The following ZNF267 variants were observed in gnomAD, a reference collection of about 807,000 sequenced individuals.
The protein encoded by ZNF267 is zinc finger protein 267.
Under a neutral mutation model 71.6 loss-of-function variants are expected in ZNF267, and 61 were observed. The ratio of observed to expected loss-of-function variants is 0.85; its 90% CI spans 0.69 to 1.05. The LOEUF is 1.05. ZNF267 is among the 50% of genes least tolerant of loss of function. The pLI is 0.00. For synonymous variants in ZNF267, 288 were observed against 293.2 expected (o/e 0.98, Z 0.18); for missense variants, 852 against 870.0 (o/e 0.98, Z 0.26).
intron 3 of ZNF267, among the ~76,000 whole-genome samples, chr16:31,907,136 C>T (rs1023350457): frequency 1.6e-4 from 25 of 152,016 alleles, no homozygotes; most frequent in Admixed American, 2.0e-4. Flanking sequence ...TCAAGATTCT[C>T]TTTGTCACTT....
chr16:31,898,011 T>C (rs2084012454), intron 3 of ZNF267, among the ~76,000 whole-genome samples: 1 of 152,182 alleles, frequency 6.6e-6, no homozygotes, highest in Non-Finnish European at 1.5e-5. Flanking sequence ...TCTGTTTCCT[T>C]ATTGATCTTC....
At chr16:31,883,388 G>A (rs1019224652) in intron 1 of ZNF267, among the ~76,000 whole-genome samples, 1 of 152,034 alleles carries the variant, frequency 6.6e-6, no homozygotes, top group Admixed American at 6.5e-5. Context: ...CTTACTTTTA[G>A]TGTGTATATA....
rs541312659 is a variant in ZNF267, at chr16:31,915,745, A to G, written c.1496A>G (p.Lys499Arg). Reference sequence around the variant, plus strand: ...CCTTATAAATGTAAAGAATGTGGCAAAGTCTTTAGCCGTAGTTCTTGCCTT... The same window carrying G: ...CCTTATAAATGTAAAGAATGTGGCAGAGTCTTTAGCCGTAGTTCTTGCCTT... ...EKPYKCKECG[K>R]VFSRSSCLTQ... Residue 499 changes from lysine to arginine, a missense_variant, in exon 4 of 4, where the codon AAA (lysine) becomes AGA (arginine). Lys to Arg is a conservative substitution (Grantham distance 26). Coordinates refer to ENST00000300870, the MANE Select transcript of ZNF267 (RefSeq NM_003414.6). 5 of 1,613,336 alleles carry G rather than the reference A, an allele frequency of 3.1e-6. No individual in the cohort carries two copies. The South Asian group carries it at 4.4e-5, about 14-fold the overall frequency.
At chr16:31,901,243 T>A (rs1263803493) in intron 3 of ZNF267, among the ~76,000 whole-genome samples, 5 of 152,048 alleles carry the variant, frequency 3.3e-5, no homozygotes, top group African/African-American at 1.2e-4. Flanking sequence ...CTATTGTGAA[T>A]ACTGCCACAA....
chr16:31,880,466 A>T (rs527352282), intron 1 of ZNF267, among the ~76,000 whole-genome samples: 3 of 152,302 alleles, frequency 2.0e-5, no homozygotes, highest in East Asian at 3.9e-4. Flanking sequence ...AGGTAATAAC[A>T]TATCTGGATC....
chr16:31,886,823 C>T (rs2083927544), intron 3 of ZNF267, among the ~76,000 whole-genome samples: 1 of 152,110 alleles, frequency 6.6e-6, no homozygotes, highest in Non-Finnish European at 1.5e-5. Flanking sequence ...TGGCTATGAA[C>T]ATAGGGGTAC....
chr16:31,877,109 A>G (rs1223504351), intron 1 of ZNF267, among the ~76,000 whole-genome samples: 1 of 151,812 alleles, frequency 6.6e-6, no homozygotes, highest in Admixed American at 6.6e-5. Context: ...ATAGTCGCCT[A>G]CTCATTAATC....
intron 1 of ZNF267, among the ~76,000 whole-genome samples, chr16:31,876,905 C>T (rs1394277504): frequency 1.3e-5 from 2 of 152,152 alleles, no homozygotes; most frequent in South Asian, 2.1e-4. Flanking sequence ...CCTGCTCACC[C>T]CATCCATGGA....
rs370894185 is a variant in ZNF267 at position 31,888,923 on chromosome 16, G to A, written c.226+3667G>A. Among the ~76,000 whole-genome samples the A allele has an allele frequency of 8.5e-5, 13 of 152,090 alleles. No homozygotes were observed. The East Asian group carries it at 2.3e-3, about 27-fold the overall frequency. ...ATGCTTGATACAGTTTACCCATGAA[G>A]TCATTTGGTCATGGGATTTTTTTTA... On this transcript the variant is annotated intron_variant, in intron 3 of 3. Coordinates refer to ENST00000300870, the MANE Select transcript of ZNF267 (RefSeq NM_003414.6).
intron 1 of ZNF267, 121 bp downstream of exon 1, chr16:31,874,090 C>T (rs1039964096): frequency 8.7e-7 from 1 of 1,151,060 alleles, no homozygotes; most frequent in African/African-American, 1.5e-5. Flanking sequence ...GGCCCCGAGT[C>T]CCAACTGGTG....
intron 1 of ZNF267, among the ~76,000 whole-genome samples, chr16:31,880,153 C>T (rs2083879873): frequency 2.6e-5 from 4 of 152,190 alleles, no homozygotes; most frequent in Admixed American, 2.6e-4. Context: ...TATAGAAAAT[C>T]CAGGGGACAT....
chr16:31,892,427 C>T (rs2083966713), intron 3 of ZNF267, among the ~76,000 whole-genome samples: 1 of 152,174 alleles, frequency 6.6e-6, no homozygotes, highest in African/African-American at 2.4e-5. Flanking sequence ...CCGCCCCTGG[C>T]CTCTCCCAAA....
chr16:31,879,141 C>T (rs1448439926), intron 1 of ZNF267, among the ~76,000 whole-genome samples: 1 of 152,198 alleles, frequency 6.6e-6, no homozygotes, highest in African/African-American at 2.4e-5. Context: ...CCATATCCTA[C>T]AGTTTCTCTA....
intron 3 of ZNF267, among the ~76,000 whole-genome samples, chr16:31,904,888 C>A (rs975023973): frequency 1.3e-5 from 2 of 152,198 alleles, no homozygotes; most frequent in African/African-American, 4.8e-5. Context: ...CCTTGATGGT[C>A]TTTACAGTTT....
In ZNF267 at chr16:31,916,358, C is replaced by G. The variant is rs777225498; in HGVS notation, c.2109C>G (p.Leu703=). 1 of 1,613,782 alleles carries G rather than the reference C, an allele frequency of 6.2e-7. No homozygotes were observed. Among genetic ancestry groups the G allele is most frequent in the Non-Finnish European group, 8.5e-7 (1 of 1,179,906 alleles). The change falls in exon 4 of 4, where the codon CTC becomes CTG. Residue 703 remains leucine, a synonymous_variant. Coordinates refer to ENST00000300870, the MANE Select transcript of ZNF267 (RefSeq NM_003414.6). ...AAGCCTTCAGCTATAGGTCATACCT[C>G]ACTACACATCGGAGAAGTCATAGTG... The part of the protein sequence containing the change: ...CGKAFSYRSY[L]TTHRRSHSGE...
chr16:31,893,256 G>A (rs1476748587), intron 3 of ZNF267, among the ~76,000 whole-genome samples: 1 of 152,244 alleles, frequency 6.6e-6, no homozygotes, highest in Non-Finnish European at 1.5e-5. Context: ...TGGAGCCGCT[G>A]GGATGCAGGG....
intron 3 of ZNF267, among the ~76,000 whole-genome samples, chr16:31,906,355 T>A (rs2084090054): frequency 1.3e-5 from 2 of 152,194 alleles, no homozygotes; most frequent in African/African-American, 4.8e-5. Flanking sequence ...CTTTTATTTG[T>A]CTGTGTCCTG....
intron 3 of ZNF267, among the ~76,000 whole-genome samples, chr16:31,894,053 G>GATC (rs1038192714): frequency 3.9e-5 from 6 of 152,338 alleles, no homozygotes; most frequent in Admixed American, 3.3e-4. Flanking sequence ...CCAGGACCAT[G>GATC]ATCAGCAAGC....
intron 1 of ZNF267, among the ~76,000 whole-genome samples, chr16:31,879,612 A>G (rs1011321448): frequency 1.3e-5 from 2 of 152,218 alleles, no homozygotes; most frequent in Non-Finnish European, 2.9e-5. Context: ...ACATTTGTGC[A>G]GCAAAGTGCC....
Sources: gnomAD v4.1 joint callset for allele counts (sites outside exome capture counted in the v4.1 genomes callset) on GRCh38, gnomAD v4.1.1 for gene constraint, MANE v1.5 for transcripts, NCBI Gene and HGNC (gene_info 2026-07-23, HGNC 2026-07-21) for gene names.